Variants in KIZ observed in about 807,000 individuals in gnomAD.
KIZ encodes the protein kizuna centrosomal protein.
KIZ carries 68 observed loss-of-function variants against 79.6 expected under a neutral mutation model. The observed-to-expected ratio is 0.85, with a 90% confidence interval of 0.70 to 1.05. KIZ has a LOEUF of 1.05. Among genes scored for constraint, KIZ ranks in the 50% least tolerant of loss-of-function variants. The pLI is 0.00. For missense variants in KIZ, 797 were observed against 800.4 expected (o/e 1.00, Z 0.05); for synonymous variants, 280 against 281.8 (o/e 0.99, Z 0.06).
chr20:21,169,150 T>G (rs1279798114), intron 6 of KIZ, among the ~76,000 whole-genome samples: 2 of 152,074 alleles, frequency 1.3e-5, no homozygotes, highest in African/African-American at 4.8e-5. Context: ...ACAGGCAACC[T>G]ACAGCATGGG....
chr20:21,211,226 G>A (rs2036054817), intron 7 of KIZ, among the ~76,000 whole-genome samples: 1 of 152,074 alleles, frequency 6.6e-6, no homozygotes, highest in Non-Finnish European at 1.5e-5. Context: ...AGTAGAACTG[G>A]GCTAATAAAG....
intron 11 of KIZ, among the ~76,000 whole-genome samples, chr20:21,239,155 C>T (rs2037132788): frequency 6.6e-6 from 1 of 152,198 alleles, no homozygotes; most frequent in Non-Finnish European, 1.5e-5. Flanking sequence ...CATTACTGTC[C>T]CCATTCTACA....
upstream of KIZ, chr20:21,126,075 G>A: frequency 6.8e-7 from 1 of 1,474,372 alleles, no homozygotes; most frequent in Non-Finnish European, 9.0e-7. Flanking sequence ...CGGCCGAACG[G>A]CCACCCAGAG....
At chr20:21,126,992 A>C (rs2031521518) in intron 1 of KIZ, among the ~76,000 whole-genome samples, 1 of 152,242 alleles carries the variant, frequency 6.6e-6, no homozygotes, top group South Asian at 2.1e-4. Flanking sequence ...TTGATAAACA[A>C]AACATTTAAT....
chr20:21,234,262 G>A (rs1459543391), intron 11 of KIZ, among the ~76,000 whole-genome samples: 3 of 151,696 alleles, frequency 2.0e-5, no homozygotes, highest in African/African-American at 7.3e-5. Context: ...TTCAAATTGA[G>A]ACAGAGGTAT....
In KIZ at chr20:21,132,137, T is replaced by C; in HGVS notation, c.130T>C (p.Tyr44His). ...RLDLEKKLYE[Y>H]NQSDTCRVKL... ...GGACCTGGAAAAGAAACTTTATGAA[T>C]ATAATCAGTCTGATACATGCAGGTA... Residue 44 changes from tyrosine (Y) to histidine (H), a missense_variant, in exon 2 of 13, where the codon TAT becomes CAT. Coordinates refer to ENST00000619189, the MANE Select transcript of KIZ (RefSeq NM_018474.6). 6.8e-7 allele frequency: 1 copy of C among 1,470,074 alleles called. No individual in the cohort carries two copies. Among genetic ancestry groups the C allele is most frequent in the Non-Finnish European group, 9.3e-7 (1 of 1,078,444 alleles). The allele number at this position is 1,470,074 out of a possible 1,614,324, so 91.1% of individuals were successfully genotyped here.
intron 4 of KIZ, among the ~76,000 whole-genome samples, chr20:21,160,228 A>T (rs548604841): frequency 6.6e-6 from 1 of 152,104 alleles, no homozygotes; most frequent in Non-Finnish European, 1.5e-5. Context: ...GGACAGCTGG[A>T]TGCAGCCTGC....
chr20:21,245,776 T>G (rs896012786), intron 12 of KIZ: 6 of 152,256 alleles, frequency 3.9e-5, no homozygotes, highest in African/African-American at 1.4e-4. Flanking sequence ...GTTGATGCCC[T>G]GGGTTGAGAG....
At chr20:21,198,950 T>A (rs1343592922) in intron 6 of KIZ, 1 of 152,308 alleles carries the variant, frequency 6.6e-6, no homozygotes, top group Middle Eastern at 3.2e-3. Flanking sequence ...GGTCATTTGG[T>A]GATTGTGTGT....
intron 2 of KIZ, among the ~76,000 whole-genome samples, chr20:21,133,945 T>C (rs2032009915): frequency 6.6e-6 from 1 of 152,152 alleles, no homozygotes; most frequent in African/African-American, 2.4e-5. Flanking sequence ...CCCCCACTGG[T>C]AAGGGCAGCC....
At chr20:21,175,695 C>T (rs8117142) in intron 6 of KIZ, among the ~76,000 whole-genome samples, 78 of 152,254 alleles carry the variant, frequency 5.1e-4, no homozygotes, top group African/African-American at 1.8e-3. Context: ...CTGAATGAAC[C>T]ACATGTCTCA....
At chr20:21,197,139 A>G (rs1413339388) in intron 6 of KIZ, 1 of 152,230 alleles carries the variant, frequency 6.6e-6, no homozygotes, top group East Asian at 1.9e-4. Context: ...AGAATCATGC[A>G]TCCCTCAAAA....
In KIZ at chr20:21,212,555, T is replaced by G. The variant is rs574421267; in HGVS notation, c.1447-1980T>G. ...TAACTATGATGTTCAGTAGGTTAGG[T>G]GTGTTAAATACATTTCTGACTTACA... On this transcript the variant is annotated intron_variant, in intron 7 of 12. Coordinates refer to ENST00000619189, the MANE Select transcript of KIZ (RefSeq NM_018474.6). Among the ~76,000 whole-genome samples the G allele has an allele frequency of 3.9e-5, 6 of 152,348 alleles. No individual in the cohort carries two copies. The South Asian group carries it at 1.2e-3, about 32-fold the overall frequency.
intron 1 of KIZ, among the ~76,000 whole-genome samples, chr20:21,131,618 A>G (rs1419104388): frequency 2.6e-5 from 4 of 152,214 alleles, no homozygotes; most frequent in Admixed American, 2.0e-4. Context: ...CATTTTATAT[A>G]CTTATCTTGT....
intron 6 of KIZ, among the ~76,000 whole-genome samples, chr20:21,181,602 G>A: frequency 6.6e-6 from 1 of 151,970 alleles, no homozygotes. Context: ...GGGATCACAG[G>A]CATGCGCCAC....
chr20:21,242,406 G>C (rs1468488841), intron 11 of KIZ, among the ~76,000 whole-genome samples: 1 of 152,198 alleles, frequency 6.6e-6, no homozygotes, highest in African/African-American at 2.4e-5. Flanking sequence ...TCATTGCCTA[G>C]TGGAAAATGG....
intron 6 of KIZ, among the ~76,000 whole-genome samples, chr20:21,175,213 A>G (rs190309110): frequency 1.9e-4 from 29 of 152,208 alleles, no homozygotes; most frequent in African/African-American, 6.0e-4. Context: ...CTGTCACTTC[A>G]TTCTAATCTT....
chr20:21,244,157 G>C (rs972831189), intron 11 of KIZ, 88 bp from the exon 12 acceptor site: 1 of 907,818 alleles, frequency 1.1e-6, no homozygotes, highest in African/African-American at 1.7e-5. Flanking sequence ...GTGAATCAAA[G>C]TGCTTCTTCT....
At chr20:21,198,580 T>A (rs150825412) in intron 6 of KIZ, 110 of 152,508 alleles carry the variant, frequency 7.2e-4, no homozygotes, top group African/African-American at 2.5e-3. Context: ...ATGTTAAAGA[T>A]ATAAATAGGG....
Sources: gnomAD v4.1 joint callset for allele counts (sites outside exome capture counted in the v4.1 genomes callset) on GRCh38, gnomAD v4.1.1 for gene constraint, MANE v1.5 for transcripts, NCBI Gene and HGNC (gene_info 2026-07-23, HGNC 2026-07-21) for gene names.